The following KCNQ4 variants were observed in gnomAD, a reference collection of about 807,000 sequenced individuals.
The protein encoded by KCNQ4 is potassium voltage-gated channel subfamily KQT member 4.
In KCNQ4, 31 loss-of-function variants were observed where a neutral mutation model predicts 72.6. The ratio of observed to expected loss-of-function variants is 0.43; its 90% confidence interval spans 0.32 to 0.58. KCNQ4 has a LOEUF of 0.58. KCNQ4 is among the 20% of genes least tolerant of loss of function. The probability of loss-of-function intolerance (pLI) is 0.08; values close to 1 mark genes in which losing one functional copy is unlikely to be tolerated. For missense variants in KCNQ4, 869 were observed against 962.6 expected, an observed-to-expected ratio of 0.90 and a Z score of 1.29; for synonymous variants, 405 against 403.7, an observed-to-expected ratio of 1.00 and a Z score of -0.04.
intron 6 of KCNQ4, 49 bp downstream of exon 6, chr1:40,820,034 G>A: frequency 1.3e-6 from 2 of 1,543,522 alleles, no homozygotes; most frequent in Non-Finnish European, 1.8e-6. Flanking sequence ...GGTGGGACCT[G>A]CTCACCCCTG....
Position 40,828,447 on chromosome 1 carries a change from C to A in KCNQ4, c.1293-2637C>A, listed in dbSNP as rs566654663. ...CTACCTACTAGACATTGCCACATGT[C>A]CCCTGAGTGGGGGAACTTGCTCCAG... is the stretch of plus-strand genomic sequence containing the variant. On this transcript the variant is annotated intron_variant, in intron 9 of 13. Transcript: ENST00000347132. Among the ~76,000 whole-genome samples the A allele has an allele frequency of 1.4e-4, 22 of 152,312 alleles. No homozygotes were observed. In the East Asian group the frequency reaches 3.7e-3, roughly 25 times the overall value.
intron 11 of KCNQ4, 38 bp from the exon 12 acceptor site, chr1:40,834,929 C>A: frequency 6.2e-7 from 1 of 1,610,366 alleles, no homozygotes; most frequent in South Asian, 1.1e-5. Context: ...AATCCCTGCT[C>A]TAACAGGACA....
chr1:40,798,262 A>G (rs549970584), intron 1 of KCNQ4, among the ~76,000 whole-genome samples: 15 of 152,296 alleles, frequency 9.8e-5, no homozygotes, highest in African/African-American at 2.9e-4. Flanking sequence ...ATGATGATAA[A>G]TAACAGTGAA....
chr1:40,785,881 G>A (rs937843209), intron 1 of KCNQ4, among the ~76,000 whole-genome samples: 5 of 152,246 alleles, frequency 3.3e-5, no homozygotes, highest in East Asian at 1.9e-4. Flanking sequence ...CATTAAGTGC[G>A]TTGGGGGTGG....
At chr1:40,796,932 A>AAATAAATC (rs1557991105) in intron 1 of KCNQ4, among the ~76,000 whole-genome samples, 1 of 151,724 alleles carries the variant, frequency 6.6e-6, no homozygotes, top group Non-Finnish European at 1.5e-5. Flanking sequence ...ATAAATAAAT[A>AAATAAATC]AATAAATAAA....
At chr1:40,790,905 T>C (rs113179063) in intron 1 of KCNQ4, among the ~76,000 whole-genome samples, 12 of 151,722 alleles carry the variant, frequency 7.9e-5, no homozygotes, top group Middle Eastern at 3.4e-3. Context: ...TAGCTGTGAG[T>C]GTGTCTGTGA....
At chr1:40,810,496 G>A (rs1478077128) in intron 1 of KCNQ4, among the ~76,000 whole-genome samples, 1 of 152,222 alleles carries the variant, frequency 6.6e-6, no homozygotes, top group Non-Finnish European at 1.5e-5. Flanking sequence ...GTAGGTGTCT[G>A]AAGTGAATAT....
rs1174806620 is a variant in KCNQ4 at position 40,818,204 on chromosome 1, T to A, written c.446T>A (p.Val149Asp). The change falls in exon 3 of 14, where the codon GTC becomes GAC. Residue 149 changes from valine to aspartate, a missense_variant. Val to Asp is a radical substitution (Grantham distance 152). Coordinates refer to ENST00000347132, the MANE Select transcript of KCNQ4 (RefSeq NM_004700.4). ...MIVVFGLEYI[V>D]RVWSAGCCCR... The stretch of plus-strand genomic sequence containing the variant: ...GTGGTTTTCGGCTTGGAGTACATCG[T>A]CCGGGTCTGGTCCGCCGGATGCTGC... 6.2e-7 allele frequency: 1 copy of A among 1,613,970 alleles called. No individual in the cohort carries two copies. The highest frequency in any genetic ancestry group is 1.1e-5 in the South Asian group (1 of 91,082).
chr1:40,793,657 C>T (rs1407391800), intron 1 of KCNQ4, among the ~76,000 whole-genome samples: 1 of 152,182 alleles, frequency 6.6e-6, no homozygotes, highest in Non-Finnish European at 1.5e-5. Context: ...GAAATGCCCT[C>T]CACACAAGCA....
chr1:40,823,690 C>T (rs1288579671), intron 8 of KCNQ4, among the ~76,000 whole-genome samples: 1 of 152,180 alleles, frequency 6.6e-6, no homozygotes, highest in Non-Finnish European at 1.5e-5. Flanking sequence ...GGGAAGGAAG[C>T]TGGGCTAGCC....
intron 1 of KCNQ4, among the ~76,000 whole-genome samples, chr1:40,803,783 C>G (rs914122268): frequency 2.0e-5 from 3 of 152,210 alleles, no homozygotes; most frequent in African/African-American, 4.8e-5. Flanking sequence ...CCAGGTGTGG[C>G]CTGTGAGTTT....
intron 13 of KCNQ4, 47 bp downstream of exon 13, chr1:40,837,841 G>A: frequency 6.3e-7 from 1 of 1,577,766 alleles, no homozygotes; most frequent in Non-Finnish European, 8.6e-7. Context: ...AAGAAGCTCT[G>A]GGGGCCGCGG....
In KCNQ4 at chr1:40,820,152, C is replaced by T. The variant is rs763130727; in HGVS notation, c.946-13C>T. ...TGCCAGCACATTCCCCCAACCATGC[C>T]CTATCCCTCTAGGGCATCCTAGGCT... On this transcript the variant is annotated splice_polypyrimidine_tract_variant and intron_variant, in intron 6 of 13. Transcript: ENST00000347132. 16 of 1,601,110 alleles carry T rather than the reference C, an allele frequency of 1.0e-5. No homozygotes were observed. In the Admixed American group the frequency reaches 1.2e-4, roughly 12 times the overall value.
At chr1:40,832,778 C>A (rs1400097232) in intron 10 of KCNQ4, among the ~76,000 whole-genome samples, 1 of 152,082 alleles carries the variant, frequency 6.6e-6, no homozygotes, top group Non-Finnish European at 1.5e-5. Context: ...TCCCACCTAC[C>A]CACCAGGCAG....
chr1:40,817,125 A>T lies in KCNQ4; in HGVS notation c.315-140A>T. 1 of 725,644 alleles carries T rather than the reference A, an allele frequency of 1.4e-6. No homozygotes were observed. Among genetic ancestry groups the T allele is most frequent in the Non-Finnish European group, 2.4e-6 (1 of 411,112 alleles). 45.0% of individuals were successfully genotyped at this position (725,644 alleles called of 1,614,324 possible). A position where few individuals can be genotyped will look rare whatever the true frequency, so the allele number is the denominator to read the frequency against. On this transcript the variant is annotated intron_variant, in intron 1 of 13. Transcript: ENST00000347132. The surrounding 1 kb of genome is among the most constrained non-coding windows in gnomAD (Gnocchi z 5.5). The stretch of plus-strand genomic sequence containing the variant: ...GTGCCCAGCACAGAGCTGTAACTCC[A>T]GGGAATTCCAATTCTGATTTCCACA...
Position 40,820,170 on chromosome 1 carries a change from C to T in KCNQ4, c.951C>T (p.Ile317=), listed in dbSNP as rs767515499. ...ACCATGCCCTATCCCTCTAGGGCAT[C>T]CTAGGCTCCGGCTTTGCCCTGAAGG... The part of the protein sequence containing the change: ...GISFFALPAG[I]LGSGFALKVQ... The change falls in exon 7 of 14, where the codon ATC becomes ATT. Residue 317 remains isoleucine (I), a synonymous_variant. Coordinates refer to ENST00000347132, the MANE Select transcript of KCNQ4 (RefSeq NM_004700.4). 3.7e-6 allele frequency: 6 copies of T among 1,607,424 alleles called. No individual in the cohort carries two copies. Among genetic ancestry groups the T allele is most frequent in the Non-Finnish European group, 5.1e-6 (6 of 1,176,926 alleles).
intron 1 of KCNQ4, among the ~76,000 whole-genome samples, chr1:40,789,623 A>G (rs1322937587): frequency 6.6e-6 from 1 of 151,880 alleles, no homozygotes; most frequent in African/African-American, 2.4e-5. Context: ...TCGATCTCTC[A>G]CTGACGGCCC....
chr1:40,807,051 G>A (rs1423981622), intron 1 of KCNQ4, among the ~76,000 whole-genome samples: 2 of 152,246 alleles, frequency 1.3e-5, no homozygotes, highest in Non-Finnish European at 2.9e-5. Flanking sequence ...ATGCCCAGGG[G>A]TGGGGCAGCC....
At chr1:40,793,277 G>A (rs1353063734) in intron 1 of KCNQ4, among the ~76,000 whole-genome samples, 1 of 152,076 alleles carries the variant, frequency 6.6e-6, no homozygotes, top group East Asian at 1.9e-4. Context: ...CACCATGGCT[G>A]CCTGCTGGGC....
Sources: allele counts gnomAD v4.1 joint callset (sites outside exome capture counted in the v4.1 genomes callset), GRCh38; gene constraint gnomAD v4.1.1; non-coding constraint Gnocchi (gnomAD v3.1); transcripts MANE v1.5; gene names NCBI Gene and HGNC (gene_info 2026-07-23, HGNC 2026-07-21).